CDH13: variants seen among roughly 807,000 people sequenced by gnomAD.
CDH13 encodes cadherin-13.
CDH13 carries 24 observed loss-of-function variants against 63.8 expected under a neutral mutation model. The observed-to-expected ratio is 0.38, with a 90% CI of 0.27 to 0.53. The LOEUF (loss-of-function observed/expected upper bound fraction) is 0.53, where lower values mean the gene tolerates loss of function less well. CDH13 is among the 20% of genes least tolerant of loss of function. CDH13 has a pLI of 0.85. For missense variants in CDH13, 1,049 were observed against 903.1 expected (o/e 1.16, Z -2.07); for synonymous variants, 503 against 355.3 (o/e 1.42, Z -4.67).
At chr16:83,333,320 T>G (rs2090517169) in intron 5 of CDH13, among the ~76,000 whole-genome samples, 1 of 152,092 alleles carries the variant, frequency 6.6e-6, no homozygotes, top group African/African-American at 2.4e-5. Context: ...AAATAGGAAT[T>G]GAATCTAGTA....
intron 3 of CDH13, among the ~76,000 whole-genome samples, chr16:83,119,291 T>C (rs1277902118): frequency 6.6e-6 from 1 of 152,192 alleles, no homozygotes. Flanking sequence ...ATAATCTGGG[T>C]TGTGCCATTG....
At chr16:82,697,099 T>C (rs141392171) in intron 1 of CDH13, among the ~76,000 whole-genome samples, 31 of 152,334 alleles carry the variant, frequency 2.0e-4, no homozygotes, top group Middle Eastern at 3.4e-3. Context: ...ACTTTTACCA[T>C]GCTATATCTA....
At chr16:83,021,259 T>A in intron 2 of CDH13, among the ~76,000 whole-genome samples, 1 of 152,236 alleles carries the variant, frequency 6.6e-6, no homozygotes, top group East Asian at 1.9e-4. Flanking sequence ...CTGCTATTTA[T>A]TCATTCAACA....
In CDH13 at chr16:83,334,797, CTTTG is replaced by C. The variant is rs1202061693; in HGVS notation, c.637-10061_637-10058del. On this transcript the variant is annotated intron_variant, in intron 5 of 13. Transcript: ENST00000567109. ...TTCATGAAAAGATTTATCAGTATGT[CTTTG>C]TTTAAGGCACTAAATTTTAGAAAGG... Among the ~76,000 whole-genome samples, 5 of 152,196 alleles carry C rather than the reference CTTTG, an allele frequency of 3.3e-5. No individual in the cohort carries two copies. The East Asian group carries it at 7.7e-4, about 24-fold the overall frequency.
At chr16:82,835,165 A>G (rs893141579) in intron 1 of CDH13, among the ~76,000 whole-genome samples, 1 of 152,208 alleles carries the variant, frequency 6.6e-6, no homozygotes, top group Admixed American at 6.5e-5. Context: ...TTCTTTTTTC[A>G]TACCACGTCT....
At chr16:83,020,725 C>G (rs1267987975) in intron 2 of CDH13, among the ~76,000 whole-genome samples, 3 of 152,220 alleles carry the variant, frequency 2.0e-5, no homozygotes, top group Admixed American at 1.3e-4. Context: ...GCCTCCCTCT[C>G]TAGGTGCTCA....
chr16:82,785,112 A>G (rs551267820), intron 1 of CDH13, among the ~76,000 whole-genome samples: 1 of 152,166 alleles, frequency 6.6e-6, no homozygotes, highest in Non-Finnish European at 1.5e-5. Context: ...GAGGGAGGGT[A>G]CTGCAGTCTT....
intron 4 of CDH13, among the ~76,000 whole-genome samples, chr16:83,214,460 G>C (rs1359430971): frequency 6.6e-6 from 1 of 150,464 alleles, no homozygotes; most frequent in South Asian, 2.1e-4. Context: ...TGTGCCTGTA[G>C]TTCCACCTAC....
chr16:83,102,930 CT>C (rs71148812), intron 3 of CDH13, among the ~76,000 whole-genome samples: 6 of 96,926 alleles, frequency 6.2e-5, no homozygotes, highest in African/African-American at 9.2e-5. Flanking sequence ...TTTTCTTTTT[CT>C]TTTTTTTTTT....
intron 7 of CDH13, among the ~76,000 whole-genome samples, chr16:83,581,046 A>T (rs1407561473): frequency 6.6e-6 from 1 of 152,188 alleles, no homozygotes; most frequent in Non-Finnish European, 1.5e-5. Context: ...AAATGCTTTT[A>T]TGTTGTTAAA....
At chr16:82,827,191 A>G (rs1056481411) in intron 1 of CDH13, among the ~76,000 whole-genome samples, 1 of 152,160 alleles carries the variant, frequency 6.6e-6, no homozygotes, top group African/African-American at 2.4e-5. Flanking sequence ...ACTCTTAGAA[A>G]TGGATAAAGT....
Position 83,374,671 on chromosome 16 carries a change from G to A in CDH13, c.781+29665G>A, listed in dbSNP as rs61394280. On this transcript the variant is annotated intron_variant, in intron 6 of 13. Transcript: ENST00000567109. The stretch of plus-strand genomic sequence containing the variant: ...AAGCTTAAAGAAAGTACCTTGCGCT[G>A]TGTGTTCCTCCATTAGCATTTGTTA... 8.8e-3 allele frequency among the ~76,000 whole-genome samples: 1,339 copies of A among 152,326 alleles called. 20 individuals carry two copies. Among genetic ancestry groups the A allele is most frequent in the African/African-American group, 0.031 (1,289 of 41,562 alleles).
intron 5 of CDH13, among the ~76,000 whole-genome samples, chr16:83,296,719 C>T (rs957744254): frequency 9.9e-5 from 15 of 152,104 alleles, no homozygotes; most frequent in Non-Finnish European, 1.6e-4. Flanking sequence ...TAATGGTGAA[C>T]TTTTGCCAAT....
At chr16:82,747,604 G>A (rs964361296) in intron 1 of CDH13, among the ~76,000 whole-genome samples, 2 of 152,144 alleles carry the variant, frequency 1.3e-5, no homozygotes, top group African/African-American at 4.8e-5. Flanking sequence ...ACTGTTTAAC[G>A]AGACCTTCAA....
intron 2 of CDH13, among the ~76,000 whole-genome samples, chr16:82,955,912 T>A (rs567095363): frequency 6.6e-6 from 1 of 152,338 alleles, no homozygotes; most frequent in East Asian, 1.9e-4. Context: ...CTACCTAGCA[T>A]AATCAAATAC....
At position 83,795,150 on chromosome 16, in the gene CDH13, G is replaced by T; in HGVS notation, c.*120G>T. ...CGAACTTCACAACTAGGCCTCAATTGTTCCGGTTTTTTATTTTCTTTACAA... is the reference window on the plus strand; with the variant it reads ...CGAACTTCACAACTAGGCCTCAATTTTTCCGGTTTTTTATTTTCTTTACAA... On this transcript the variant is annotated 3_prime_UTR_variant, in exon 14 of 14. Coordinates refer to ENST00000567109, the MANE Select transcript of CDH13 (RefSeq NM_001257.5). 1 of 769,008 alleles carries T rather than the reference G, an allele frequency of 1.3e-6. No homozygotes were observed. 47.6% of individuals were successfully genotyped at this position (769,008 alleles called of 1,614,324 possible).
At position 83,171,648 on chromosome 16, in the gene CDH13, C is replaced by T; in HGVS notation, c.484-45697C>T. The T allele has an allele frequency of 2.5e-6, 3 of 1,199,906 alleles. No individual in the cohort carries two copies. In the South Asian group the frequency reaches 3.9e-5, roughly 16 times the overall value. The allele number at this position is 1,199,906 out of a possible 1,614,324, so 74.3% of individuals were successfully genotyped here. On this transcript the variant is annotated intron_variant, in intron 4 of 13. Coordinates refer to ENST00000567109, the MANE Select transcript of CDH13 (RefSeq NM_001257.5). Reference sequence around the variant, plus strand: ...GTGTCTCCAATTTCCTATATGCCATCAGGGGATTTAGTGACACTGCAAATA... The same window carrying T: ...GTGTCTCCAATTTCCTATATGCCATTAGGGGATTTAGTGACACTGCAAATA...
intron 3 of CDH13, among the ~76,000 whole-genome samples, chr16:83,086,511 A>T (rs767035639): frequency 1.3e-4 from 20 of 152,200 alleles, no homozygotes; most frequent in Non-Finnish European, 2.5e-4. Flanking sequence ...TCAAGGATTG[A>T]GCCAAGCGGA....
chr16:83,180,748 C>G, intron 4 of CDH13: 2 of 693,108 alleles, frequency 2.9e-6, no homozygotes, highest in Non-Finnish European at 2.4e-6. Flanking sequence ...AACGGTCACT[C>G]TAGGTAATGT....
Sources: allele counts gnomAD v4.1 joint callset (sites outside exome capture counted in the v4.1 genomes callset), GRCh38; gene constraint gnomAD v4.1.1; transcripts MANE v1.5; gene names NCBI Gene and HGNC (gene_info 2026-07-23, HGNC 2026-07-21).